Variants in FBRSL1 observed in about 807,000 individuals in gnomAD.
The protein encoded by FBRSL1 is fibrosin like 1, also known as fibrosin-1-like protein.
In FBRSL1, 51 loss-of-function variants were observed where a neutral mutation model predicts 89.6. The observed-to-expected ratio is 0.57, with a 90% CI of 0.45 to 0.72. FBRSL1 has a LOEUF of 0.72. FBRSL1 is among the 30% of genes least tolerant of loss of function. The probability of loss-of-function intolerance (pLI) is 0.00; values close to 1 mark genes in which losing one functional copy is unlikely to be tolerated. For missense variants in FBRSL1, 1,618 were observed against 1,451.8 expected, an observed-to-expected ratio of 1.11 and a Z score of -1.86; for synonymous variants, 779 against 681.1, an observed-to-expected ratio of 1.14 and a Z score of -2.24.
intron 1 of FBRSL1, among the ~76,000 whole-genome samples, chr12:132,492,448 G>C (rs1230684131): frequency 6.6e-6 from 1 of 152,226 alleles, no homozygotes; most frequent in Admixed American, 6.5e-5. Flanking sequence ...AGCTGAAAGA[G>C]AGCAGACACT....
rs763914105 is a variant in FBRSL1, at chr12:132,570,253, G to A, written c.1007+12G>A. The stretch of plus-strand genomic sequence containing the variant: ...CTGCACGGCCTCAGGTGGGGTCCCC[G>A]CGGGGGACGGGGCCTGTGTGGTCTC... On this transcript the variant is annotated intron_variant, in intron 7 of 18. Transcript: ENST00000680143. 1.9e-4 allele frequency: 279 copies of A among 1,491,556 alleles called. No homozygotes were observed. Among genetic ancestry groups the A allele is most frequent in the Non-Finnish European group, 2.2e-4 (252 of 1,129,138 alleles). 92.4% of individuals were successfully genotyped at this position (1,491,556 alleles called of 1,614,324 possible). A position where few individuals can be genotyped will look rare whatever the true frequency, so the allele number is the denominator to read the frequency against.
chr12:132,574,066 C>G, intron 11 of FBRSL1, 24 bp from the exon 12 acceptor site: 3 of 1,260,426 alleles, frequency 2.4e-6, no homozygotes, highest in East Asian at 3.5e-5. Flanking sequence ...CAGGCGCACA[C>G]AAGCTGTCTC....
chr12:132,554,936 G>C (rs1251390074), intron 5 of FBRSL1: 2 of 152,280 alleles, frequency 1.3e-5, no homozygotes, highest in African/African-American at 4.8e-5. Flanking sequence ...GACAAAGTGA[G>C]ACTCTGTCTC....
intron 4 of FBRSL1, 98 bp from the exon 5 acceptor site, chr12:132,547,905 G>T: frequency 7.4e-7 from 1 of 1,350,124 alleles, no homozygotes; most frequent in Non-Finnish European, 1.0e-6. Context: ...AGCCAGGGCC[G>T]CCCCACCCGT....
chr12:132,571,487 C>T lies in FBRSL1; in HGVS notation c.1377+256C>T, dbSNP rs1280728125. Reference sequence around the variant, plus strand: ...CAACACACATTCGCCCCCTTCCCCGCAGGGCTGCCCCCGACGCCGCCCGCC... The same window carrying T: ...CAACACACATTCGCCCCCTTCCCCGTAGGGCTGCCCCCGACGCCGCCCGCC... On this transcript the variant is annotated intron_variant, in intron 9 of 18. Transcript: ENST00000680143. The T allele has an allele frequency of 1.3e-6, 2 of 1,546,072 alleles. No homozygotes were observed. Among genetic ancestry groups the T allele is most frequent in the Non-Finnish European group, 1.7e-6 (2 of 1,144,674 alleles).
chr12:132,556,606 G>T (rs112561815), intron 5 of FBRSL1, among the ~76,000 whole-genome samples: 88 of 6,264 alleles, frequency 0.014, no homozygotes, highest in African/African-American at 0.033. Context: ...TGCTGCCCCC[G>T]CCACCCACCC....
At chr12:132,511,808 C>T (rs1445299636) in intron 2 of FBRSL1, 1 of 985,146 alleles carries the variant, frequency 1.0e-6, no homozygotes. Context: ...GGTGCAGCAT[C>T]TGCTTTGGCC....
intron 4 of FBRSL1, among the ~76,000 whole-genome samples, chr12:132,538,353 C>T (rs997634603): frequency 5.9e-5 from 9 of 152,226 alleles, no homozygotes; most frequent in African/African-American, 2.2e-4. Context: ...AGCCCTGCAG[C>T]CCCACCACTC....
intron 5 of FBRSL1, among the ~76,000 whole-genome samples, chr12:132,550,405 C>T (rs2038057857): frequency 6.6e-6 from 1 of 152,184 alleles, no homozygotes; most frequent in African/African-American, 2.4e-5. Context: ...AGCGCCGGCG[C>T]ACAAAGCGGG....
intron 4 of FBRSL1, among the ~76,000 whole-genome samples, chr12:132,530,320 A>C (rs528842885): frequency 5.3e-5 from 8 of 151,980 alleles, no homozygotes; most frequent in Non-Finnish European, 1.0e-4. Context: ...CCTGATGCAG[A>C]CTCCATGGGC....
chr12:132,571,260 C>A, intron 9 of FBRSL1, 29 bp downstream of exon 9: 1 of 1,479,664 alleles, frequency 6.8e-7, no homozygotes, highest in Non-Finnish European at 9.1e-7. Flanking sequence ...CCGCCGGGAG[C>A]CCGCGGCCAA....
At chr12:132,531,969 G>C (rs76734539) in intron 4 of FBRSL1, among the ~76,000 whole-genome samples, 1 of 152,194 alleles carries the variant, frequency 6.6e-6, no homozygotes, top group Admixed American at 6.5e-5. Flanking sequence ...GTGCTGTAAG[G>C]TAGAGTTGCT....
intron 5 of FBRSL1, chr12:132,565,649 G>A (rs1324683667): frequency 6.6e-6 from 1 of 152,260 alleles, no homozygotes; most frequent in Non-Finnish European, 1.5e-5. Flanking sequence ...ACCCGAGTGT[G>A]TGTACGTGCC....
intron 5 of FBRSL1, among the ~76,000 whole-genome samples, chr12:132,561,986 C>A (rs1486499851): frequency 6.6e-6 from 1 of 152,098 alleles, no homozygotes; most frequent in Admixed American, 6.5e-5. Context: ...GGTGCCGAGG[C>A]CTTTCTGGGG....
At chr12:132,551,243 T>C in intron 5 of FBRSL1, 1 of 376,324 alleles carries the variant, frequency 2.7e-6, no homozygotes, top group Non-Finnish European at 5.4e-6. Flanking sequence ...GAACTGGATA[T>C]GGAAGGAAGG....
At chr12:132,517,906 T>G (rs985022790) in intron 2 of FBRSL1, among the ~76,000 whole-genome samples, 1 of 152,026 alleles carries the variant, frequency 6.6e-6, no homozygotes, top group African/African-American at 2.4e-5. Context: ...TTGAATTAGG[T>G]CATTCTTCTG....
At chr12:132,510,148 A>C (rs2034168316) in intron 2 of FBRSL1, 4 of 1,224,508 alleles carry the variant, frequency 3.3e-6, no homozygotes, top group Non-Finnish European at 4.1e-6. Flanking sequence ...ATGGGCCCAG[A>C]GCAGCCCTGC....
intron 4 of FBRSL1, among the ~76,000 whole-genome samples, chr12:132,530,533 A>T (rs2036171103): frequency 6.6e-6 from 1 of 151,552 alleles, no homozygotes; most frequent in South Asian, 2.1e-4. Flanking sequence ...TGAGGTCCCC[A>T]GGGCACCTGG....
At chr12:132,524,747 G>A (rs900606180) in intron 2 of FBRSL1, among the ~76,000 whole-genome samples, 5 of 152,210 alleles carry the variant, frequency 3.3e-5, no homozygotes, top group Non-Finnish European at 7.3e-5. Flanking sequence ...GTGAGTCTGG[G>A]CGCTGGCTGT....
Sources: gnomAD v4.1 joint callset for allele counts (sites outside exome capture counted in the v4.1 genomes callset) on GRCh38, gnomAD v4.1.1 for gene constraint, MANE v1.5 for transcripts, NCBI Gene and HGNC (gene_info 2026-07-23, HGNC 2026-07-21) for gene names.